Variants in CSMD1 observed in about 807,000 individuals in gnomAD.
The protein encoded by CSMD1 is CUB and sushi domain-containing protein 1.
CSMD1 carries 213 observed loss-of-function variants against 417.5 expected under a neutral mutation model. The observed-to-expected ratio is 0.51, with a 90% CI of 0.46 to 0.57. CSMD1 has a LOEUF of 0.57. CSMD1 is among the 20% of genes least tolerant of loss of function. The pLI is 0.00. For missense variants in CSMD1, 6,923 were observed against 4,529.7 expected, an observed-to-expected ratio of 1.53 and a Z score of -15.17; for synonymous variants, 2,862 against 1,736.8, an observed-to-expected ratio of 1.65 and a Z score of -16.11.
At chr8:4,564,975 C>T (rs1323382858) in intron 2 of CSMD1, among the ~76,000 whole-genome samples, 2 of 152,070 alleles carry the variant, frequency 1.3e-5, no homozygotes, top group African/African-American at 4.8e-5. Flanking sequence ...ATGTGGGTGC[C>T]TTGGCATGGG....
chr8:4,717,326 T>C lies in CSMD1; in HGVS notation c.86-79768A>G, dbSNP rs1380510101. Reference sequence around the variant, plus strand: ...CTCTCTCTCCATATATATATATATATACACACACACACGTATATATACACA... The same window carrying C: ...CTCTCTCTCCATATATATATATATACACACACACACACGTATATATACACA... On this transcript the variant is annotated intron_variant, in intron 1 of 69. Coordinates refer to ENST00000635120, the MANE Select transcript of CSMD1 (RefSeq NM_033225.6). Among the ~76,000 whole-genome samples the C allele has an allele frequency of 5.5e-5, 8 of 146,732 alleles. 1 individual carries two copies. In the South Asian group the frequency reaches 6.4e-4, roughly 12 times the overall value.
chr8:4,420,732 C>T (rs1234142175), intron 2 of CSMD1, among the ~76,000 whole-genome samples: 1 of 152,042 alleles, frequency 6.6e-6, no homozygotes. Flanking sequence ...AGGCTGTGAG[C>T]CGTCTAGAGG....
rs574516618 is a variant in CSMD1, at chr8:3,672,270, G to C, written c.1009+36144C>G. Among the ~76,000 whole-genome samples the C allele has an allele frequency of 9.9e-5, 15 of 152,236 alleles. No homozygotes were observed. The South Asian group carries it at 2.3e-3, about 23-fold the overall frequency. ...AACTTACACATTATATTAAACCAAA[G>C]AGTCTTAACCATAAATTAAGAAATA... On this transcript the variant is annotated intron_variant, in intron 7 of 69. Coordinates refer to ENST00000635120, the MANE Select transcript of CSMD1 (RefSeq NM_033225.6).
intron 26 of CSMD1, among the ~76,000 whole-genome samples, chr8:3,264,749 A>G (rs1215582336): frequency 2.0e-5 from 3 of 152,152 alleles, no homozygotes; most frequent in Non-Finnish European, 4.4e-5. Flanking sequence ...AATCTACATG[A>G]TTAAGGGTAC....
intron 3 of CSMD1, among the ~76,000 whole-genome samples, chr8:4,408,411 AT>A (rs1165843343): frequency 6.6e-6 from 1 of 152,234 alleles, no homozygotes; most frequent in African/African-American, 2.4e-5. Flanking sequence ...AGGATTCTCC[AT>A]TGATCAGGTT....
chr8:3,215,281 A>C (rs1035968729), intron 29 of CSMD1, among the ~76,000 whole-genome samples: 1 of 152,218 alleles, frequency 6.6e-6, no homozygotes, highest in African/African-American at 2.4e-5. Context: ...TAATAGAGTA[A>C]ACGTCAAACT....
At chr8:3,665,031 C>T (rs1045858033) in intron 7 of CSMD1, among the ~76,000 whole-genome samples, 1 of 151,928 alleles carries the variant, frequency 6.6e-6, no homozygotes, top group Non-Finnish European at 1.5e-5. Flanking sequence ...CATAATTATA[C>T]ATAAACTACC....
chr8:4,990,751 G>T (rs1163737978), intron 1 of CSMD1, among the ~76,000 whole-genome samples: 1 of 152,046 alleles, frequency 6.6e-6, no homozygotes, highest in Admixed American at 6.6e-5. Flanking sequence ...AAGGGTATTG[G>T]GTGCGGCTCT....
chr8:4,240,800 A>G (rs1270966287), intron 3 of CSMD1, among the ~76,000 whole-genome samples: 2 of 152,158 alleles, frequency 1.3e-5, no homozygotes, highest in East Asian at 3.9e-4. Context: ...AAAAATATCC[A>G]TACTATCTAT....
chr8:3,761,389 G>A (rs973454339), intron 5 of CSMD1, among the ~76,000 whole-genome samples: 5 of 151,632 alleles, frequency 3.3e-5, no homozygotes, highest in South Asian at 4.2e-4. Context: ...TATACTATCT[G>A]GGGAAAAACA....
At chr8:3,652,200 G>A (rs1304931234) in intron 7 of CSMD1, among the ~76,000 whole-genome samples, 3 of 138,882 alleles carry the variant, frequency 2.2e-5, no homozygotes, top group South Asian at 2.3e-4. Context: ...ACCTTCAGCG[G>A]GCCTACCACC....
chr8:4,553,783 T>C (rs1396316903), intron 2 of CSMD1, among the ~76,000 whole-genome samples: 1 of 152,234 alleles, frequency 6.6e-6, no homozygotes, highest in Non-Finnish European at 1.5e-5. Context: ...AATCGTCCTA[T>C]GTCTGCCATG....
chr8:3,432,358 T>C (rs1814269743), intron 12 of CSMD1, among the ~76,000 whole-genome samples: 1 of 152,186 alleles, frequency 6.6e-6, no homozygotes, highest in South Asian at 2.1e-4. Flanking sequence ...CATTGTCAAG[T>C]GATGAAATGT....
At chr8:4,827,408 G>C (rs1438709532) in intron 1 of CSMD1, among the ~76,000 whole-genome samples, 3 of 152,092 alleles carry the variant, frequency 2.0e-5, no homozygotes, top group African/African-American at 4.8e-5. Context: ...AAAGCTGTCT[G>C]GATGAAGAGA....
intron 1 of CSMD1, among the ~76,000 whole-genome samples, chr8:4,701,503 C>A (rs545027740): frequency 1.3e-5 from 2 of 151,862 alleles, no homozygotes; most frequent in East Asian, 1.9e-4. Flanking sequence ...ACACCCAGGC[C>A]GCCTCCCAGA....
chr8:3,937,123 T>C (rs1301491218), intron 5 of CSMD1, among the ~76,000 whole-genome samples: 1 of 152,196 alleles, frequency 6.6e-6, no homozygotes, highest in Non-Finnish European at 1.5e-5. Context: ...GACGAGGAGC[T>C]GCTTCTTATG....
intron 62 of CSMD1, 125 bp from the exon 63 acceptor site, chr8:2,957,932 ACTGT>A (rs1803135519): frequency 1.5e-6 from 1 of 658,004 alleles, no homozygotes; most frequent in African/African-American, 1.8e-5. Context: ...ATGTCAAGCC[ACTGT>A]CTAAGTCAAC....
chr8:4,737,261 C>G (rs908632106), intron 1 of CSMD1, among the ~76,000 whole-genome samples: 9 of 152,014 alleles, frequency 5.9e-5, no homozygotes, highest in African/African-American at 2.2e-4. Flanking sequence ...TGCACGTTCT[C>G]ACTTATAAGT....
At chr8:2,982,374 C>T (rs924078322) in intron 54 of CSMD1, among the ~76,000 whole-genome samples, 52 of 152,006 alleles carry the variant, frequency 3.4e-4, no homozygotes, top group Middle Eastern at 6.8e-3. Flanking sequence ...AACAAACAAA[C>T]GAAAAGCAAA....
Sources: gnomAD v4.1 joint callset for allele counts (sites outside exome capture counted in the v4.1 genomes callset) on GRCh38, gnomAD v4.1.1 for gene constraint, MANE v1.5 for transcripts, NCBI Gene and HGNC (gene_info 2026-07-23, HGNC 2026-07-21) for gene names.